Variants in GLUD2 observed in about 807,000 individuals in gnomAD.
GLUD2 encodes glutamate dehydrogenase 2.
A neutral mutation model predicts 16.2 loss-of-function variants in GLUD2; 11 were observed. That is an observed-to-expected ratio of 0.68 (90% CI 0.43 to 1.13). The LOEUF is 1.13. Among genes scored for constraint, GLUD2 ranks in the 50% most tolerant of loss-of-function variants. GLUD2 has a pLI of 0.00. For missense variants in GLUD2, 360 were observed against 456.4 expected (o/e 0.79, Z 1.93); for synonymous variants, 147 against 181.9 (o/e 0.81, Z 1.55).
chrX:121,048,913 C>A lies in GLUD2; in HGVS notation c.1229C>A (p.Thr410Asn). 1.7e-6 allele frequency: 2 copies of A among 1,211,816 alleles called. No homozygotes were observed. The highest frequency in any genetic ancestry group is 1.7e-5 in the African/African-American group (1 of 57,817). The change falls in exon 1 of 1, where the codon ACT becomes AAT. Residue 410 changes from threonine to asparagine, a missense_variant. By Grantham distance (65) the Thr-to-Asn change is moderately conservative. Coordinates refer to ENST00000328078, the MANE Select transcript of GLUD2 (RefSeq NM_012084.4). ...GCTGAAGGTGCCAATGGGCCAACAACTCCAGAAGCTGATAAGATCTTCCTG... is the reference window on the plus strand; with the variant it reads ...GCTGAAGGTGCCAATGGGCCAACAAATCCAGAAGCTGATAAGATCTTCCTG... ...IIAEGANGPT[T>N]PEADKIFLER...
chrX:121,049,185 T>C lies in GLUD2; in HGVS notation c.1501T>C (p.Ser501Pro). ...AEFQDSISGASEKDIVHSALA... is the reference protein window; with the variant it reads ...AEFQDSISGAPEKDIVHSALA... ...GTTCCAAGACAGTATATCGGGTGCA[T>C]CTGAGAAAGACATTGTGCACTCTGC... The change falls in exon 1 of 1, where the codon TCT becomes CCT. Residue 501 changes from serine (S) to proline (P), a missense_variant. Coordinates refer to ENST00000328078, the MANE Select transcript of GLUD2 (RefSeq NM_012084.4). The C allele has an allele frequency of 8.3e-7, 1 of 1,211,926 alleles. No homozygotes were observed. Among genetic ancestry groups the C allele is most frequent in the South Asian group, 1.8e-5 (1 of 56,995 alleles).
Position 121,049,412 on chromosome X carries a change from G to T in GLUD2, c.*51G>T. The T allele has an allele frequency of 9.4e-7, 1 of 1,060,110 alleles. No homozygotes were observed. Among genetic ancestry groups the T allele is most frequent in the South Asian group, 1.9e-5 (1 of 53,585 alleles). The allele number at this position is 1,060,110 out of a possible 1,213,427, so 87.4% of individuals were successfully genotyped here. ...AACCTCTTCACGTGTAACTTCTGCA[G>T]ACCTACCACAAGTTTACATGTAACC... is the stretch of plus-strand genomic sequence containing the variant. On this transcript the variant is annotated 3_prime_UTR_variant, in exon 1 of 1. Coordinates refer to ENST00000328078, the MANE Select transcript of GLUD2 (RefSeq NM_012084.4).
chrX:121,048,494 T>A lies in GLUD2; in HGVS notation c.810T>A (p.Ser270=). The part of the protein sequence containing the change: ...ISQGGIHGRI[S]ATGRGVFHGI... The stretch of plus-strand genomic sequence containing the variant: ...AAGGGGGAATCCATGGACGCATCTC[T>A]GCTACTGGCCGTGGTGTCTTCCATG... Residue 270 remains serine (S), a synonymous_variant, in exon 1 of 1, where the codon TCT becomes TCA. Coordinates refer to ENST00000328078, the MANE Select transcript of GLUD2 (RefSeq NM_012084.4). 8.3e-7 allele frequency: 1 copy of A among 1,211,921 alleles called. No homozygotes were observed. The highest frequency in any genetic ancestry group is 1.8e-5 in the South Asian group (1 of 56,993).
chrX:121,048,808 A>G lies in GLUD2; in HGVS notation c.1124A>G (p.Asp375Gly), dbSNP rs1343697412. 8.3e-7 allele frequency: 1 copy of G among 1,211,632 alleles called. No homozygotes were observed. The highest frequency in any genetic ancestry group is 1.1e-6 in the Non-Finnish European group (1 of 895,534). ...KPYEGSILEV[D>G]CDILIPAATE... Reference sequence around the variant, plus strand: ...TATGAAGGAAGCATCTTGGAGGTCGACTGTGACATACTGATCCCAGCTGCC... The same window carrying G: ...TATGAAGGAAGCATCTTGGAGGTCGGCTGTGACATACTGATCCCAGCTGCC... The change falls in exon 1 of 1, where the codon GAC becomes GGC. Residue 375 changes from aspartate to glycine, a missense_variant. Physicochemically the swap from Asp to Gly is moderately conservative, Grantham distance 94 (BLOSUM62 -1). Transcript: ENST00000328078.
At position 121,050,053 on chromosome X, in the gene GLUD2, C is replaced by T. The variant is rs1925472207; in HGVS notation, c.*692C>T. The T allele has an allele frequency of 8.1e-6, 1 of 123,025 alleles. No homozygotes were observed. Among genetic ancestry groups the T allele is most frequent in the Non-Finnish European group, 1.9e-5 (1 of 53,376 alleles). The allele number at this position is 123,025 out of a possible 1,213,427, so 10.1% of individuals were successfully genotyped here. Reference sequence around the variant, plus strand: ...AGCTTATCATTCACGTATTGTTGTCCAGCAAACATTAAAAGCCCTGTGGAT... The same window carrying T: ...AGCTTATCATTCACGTATTGTTGTCTAGCAAACATTAAAAGCCCTGTGGAT... On this transcript the variant is annotated 3_prime_UTR_variant, in exon 1 of 1. Transcript: ENST00000328078.
rs750535591 is a variant in GLUD2 at position 121,047,727 on chromosome X, G to A, written c.43G>A (p.Gly15Arg). 7 of 1,103,061 alleles carry A rather than the reference G, an allele frequency of 6.3e-6. No individual in the cohort carries two copies. Among genetic ancestry groups the A allele is most frequent in the Non-Finnish European group, 8.3e-6 (7 of 840,585 alleles). The allele number at this position is 1,103,061 out of a possible 1,213,427, so 90.9% of individuals were successfully genotyped here. ...CAAAGCGCTGCTGCCGTCCCGGGCC[G>A]GGCCCGCTGCCCTGGGCTCCGCGGC... is the stretch of plus-strand genomic sequence containing the variant. ...LAKALLPSRA[G>R]PAALGSAANH... is the part of the protein sequence containing the mutation. Residue 15 changes from glycine (G) to arginine (R), a missense_variant, in exon 1 of 1, where the codon GGG (glycine) becomes AGG (arginine). Around this residue, in one of 3 missense-constraint regions of GLUD2, gnomAD observed 58 missense variants for 49.9 expected, o/e 1.16. Coordinates refer to ENST00000328078, the MANE Select transcript of GLUD2 (RefSeq NM_012084.4).
At position 121,048,421 on chromosome X, in the gene GLUD2, A is replaced by C; in HGVS notation, c.737A>C (p.His246Pro). 8.3e-7 allele frequency: 1 copy of C among 1,211,294 alleles called. No individual in the cohort carries two copies. The highest frequency in any genetic ancestry group is 1.1e-6 in the Non-Finnish European group (1 of 895,205). The change falls in exon 1 of 1, where the codon CAC becomes CCC. Residue 246 changes from histidine to proline, a missense_variant. His to Pro is a moderately conservative substitution (Grantham distance 77). Transcript: ENST00000328078. ...GATACCTATGCCAGCACCATAGGGCACTATGATATTAATGCACACGCCTGT... is the reference window on the plus strand; with the variant it reads ...GATACCTATGCCAGCACCATAGGGCCCTATGATATTAATGCACACGCCTGT... ...IADTYASTIGHYDINAHACVT... is the reference protein window; with the variant it reads ...IADTYASTIGPYDINAHACVT...
At position 121,048,900 on chromosome X, in the gene GLUD2, A is replaced by G; in HGVS notation, c.1216A>G (p.Asn406Asp). Residue 406 changes from asparagine to aspartate, a missense_variant, in exon 1 of 1, where the codon AAT becomes GAT. Physicochemically the swap from Asn to Asp is conservative, Grantham distance 23 (BLOSUM62 1). This residue lies in a region of GLUD2 where 279 missense variants were observed against 352.9 expected (regional missense o/e 0.79). Coordinates refer to ENST00000328078, the MANE Select transcript of GLUD2 (RefSeq NM_012084.4). ...AGCCAAGATCATTGCTGAAGGTGCCAATGGGCCAACAACTCCAGAAGCTGA... is the reference window on the plus strand; with the variant it reads ...AGCCAAGATCATTGCTGAAGGTGCCGATGGGCCAACAACTCCAGAAGCTGA... The part of the protein sequence containing the change: ...VKAKIIAEGA[N>D]GPTTPEADKI... 8.3e-7 allele frequency: 1 copy of G among 1,211,933 alleles called. No homozygotes were observed. The highest frequency in any genetic ancestry group is 1.7e-5 in the African/African-American group (1 of 57,875).
Position 121,048,193 on chromosome X carries a change from A to T in GLUD2, c.509A>T (p.Tyr170Phe). ...AAAGCTTTGGCTTCTCTGATGACAT[A>T]CAAGTGTGCAGTGGTTGATGTGCCG... The part of the protein sequence containing the change: ...EVKALASLMT[Y>F]KCAVVDVPFG... The change falls in exon 1 of 1, where the codon TAC (tyrosine) becomes TTC (phenylalanine). Residue 170 changes from tyrosine (Y) to phenylalanine (F), a missense_variant. Physicochemically the swap from Tyr to Phe is conservative, Grantham distance 22. Coordinates refer to ENST00000328078, the MANE Select transcript of GLUD2 (RefSeq NM_012084.4). 8.3e-7 allele frequency: 1 copy of T among 1,212,008 alleles called. No homozygotes were observed. Among genetic ancestry groups the T allele is most frequent in the Non-Finnish European group, 1.1e-6 (1 of 895,582 alleles).
rs762544743 is a variant in GLUD2 at position 121,048,862 on chromosome X, C to T, written c.1178C>T (p.Ala393Val). The T allele has an allele frequency of 1.1e-4, 139 of 1,209,872 alleles. No homozygotes were observed. The highest frequency in any genetic ancestry group is 1.5e-4 in the Non-Finnish European group (131 of 895,195). The change falls in exon 1 of 1, where the codon GCA (alanine) becomes GTA (valine). Residue 393 changes from alanine to valine, a missense_variant. Transcript: ENST00000328078. ...GAGAAGCAGTTGACCAAATCCAACG[C>T]ACCCAGAGTCAAAGCCAAGATCATT... ...ATEKQLTKSN[A>V]PRVKAKIIAE...
In GLUD2 at chrX:121,047,662, G is replaced by A; in HGVS notation, c.-23G>A. 2 of 1,005,734 alleles carry A rather than the reference G, an allele frequency of 2.0e-6. No individual in the cohort carries two copies. The highest frequency in any genetic ancestry group is 3.6e-5 in the Admixed American group (1 of 27,770). The allele number at this position is 1,005,734 out of a possible 1,213,427, so 82.9% of individuals were successfully genotyped here. On this transcript the variant is annotated 5_prime_UTR_variant, in exon 1 of 1. Transcript: ENST00000328078. Reference sequence around the variant, plus strand: ...AGCGCACCTGTTCCGCGACCGTCACGCACCCCTCCTCCGCCTGCCGCGATG... The same window carrying A: ...AGCGCACCTGTTCCGCGACCGTCACACACCCCTCCTCCGCCTGCCGCGATG...
Position 121,049,358 on chromosome X carries a change from A to C in GLUD2, c.1674A>C (p.Thr558=). The stretch of plus-strand genomic sequence containing the variant: ...ACAGTGAAGCTGGTGTGACCTTCAC[A>C]TAGATGGATCATGGCTGACTTCCTC... ...KVYSEAGVTF[T] Residue 558 remains threonine (T), a synonymous_variant, in exon 1 of 1, where the codon ACA becomes ACC. Transcript: ENST00000328078. The C allele has an allele frequency of 8.3e-7, 1 of 1,202,372 alleles. No individual in the cohort carries two copies. Among genetic ancestry groups the C allele is most frequent in the East Asian group, 3.0e-5 (1 of 33,832 alleles).
chrX:121,048,586 A>T lies in GLUD2; in HGVS notation c.902A>T (p.Asp301Val). 8.3e-7 allele frequency: 1 copy of T among 1,212,080 alleles called. No individual in the cohort carries two copies. The highest frequency in any genetic ancestry group is 3.0e-5 in the East Asian group (1 of 33,862). Residue 301 changes from aspartate to valine, a missense_variant, in exon 1 of 1, where the codon GAT (aspartate) becomes GTT (valine). Around this residue, in one of 3 missense-constraint regions of GLUD2, gnomAD observed 279 missense variants for 352.9 expected, o/e 0.79. Coordinates refer to ENST00000328078, the MANE Select transcript of GLUD2 (RefSeq NM_012084.4). ...SILGMTPGFR[D>V]KTFVVQGFGN... is the part of the protein sequence containing the mutation. ...TTAGGAATGACACCAGGGTTTAGAG[A>T]TAAAACATTTGTTGTTCAGGGATTT...
At position 121,047,822 on chromosome X, in the gene GLUD2, A is replaced by T. The variant is rs1189987692; in HGVS notation, c.138A>T (p.Ala46=). 1.7e-6 allele frequency: 2 copies of T among 1,207,183 alleles called. No individual in the cohort carries two copies. Among genetic ancestry groups the T allele is most frequent in the African/African-American group, 3.5e-5 (2 of 57,177 alleles). The change falls in exon 1 of 1, where the codon GCA becomes GCT. Residue 46 remains alanine (A), a synonymous_variant. Coordinates refer to ENST00000328078, the MANE Select transcript of GLUD2 (RefSeq NM_012084.4). ...CCGCCGCCTCGCAGCCGGGGCTCGCATTGGCCGCCCGGCGCCACTACAGCG... is the reference window on the plus strand; with the variant it reads ...CCGCCGCCTCGCAGCCGGGGCTCGCTTTGGCCGCCCGGCGCCACTACAGCG... ...QPAAASQPGL[A]LAARRHYSEL...
rs773281447 is a variant in GLUD2 at position 121,048,375 on chromosome X, C to A, written c.691C>A (p.Arg231=). Residue 231 remains arginine, a synonymous_variant, in exon 1 of 1, where the codon CGG becomes AGG. Transcript: ENST00000328078. ...VPAPDMNTGE[R]EMSWIADTYA... ...TGCTCCAGACATGAACACAGGTGAG[C>A]GGGAGATGTCCTGGATTGCTGATAC... The A allele has an allele frequency of 6.6e-6, 8 of 1,211,307 alleles. No homozygotes were observed. The South Asian group carries it at 1.1e-4, about 16-fold the overall frequency.
At position 121,049,016 on chromosome X, in the gene GLUD2, G is replaced by A; in HGVS notation, c.1332G>A (p.Lys444=). The change falls in exon 1 of 1, where the codon AAG becomes AAA. Residue 444 remains lysine, a synonymous_variant. Coordinates refer to ENST00000328078, the MANE Select transcript of GLUD2 (RefSeq NM_012084.4). ...GVTVSYFEWL[K]NLNHVSYGRL... The stretch of plus-strand genomic sequence containing the variant: ...CAGTATCTTACTTTGAGTGGCTGAA[G>A]AATCTAAATCATGTCAGCTATGGCC... 8.3e-7 allele frequency: 1 copy of A among 1,211,603 alleles called. No individual in the cohort carries two copies. The highest frequency in any genetic ancestry group is 1.1e-6 in the Non-Finnish European group (1 of 895,175).
Position 121,048,648 on chromosome X carries a change from C to A in GLUD2, c.964C>A (p.Arg322Ser). 8.3e-7 allele frequency: 1 copy of A among 1,210,651 alleles called. No homozygotes were observed. The highest frequency in any genetic ancestry group is 1.1e-6 in the Non-Finnish European group (1 of 894,533). ...VGLHSMRYLH[R>S]FGAKCIAVGE... ...CCTACACTCTATGAGATATTTACAT[C>A]GTTTTGGTGCTAAATGTATTGCTGT... is the stretch of plus-strand genomic sequence containing the variant. The change falls in exon 1 of 1, where the codon CGT (arginine) becomes AGT (serine). Residue 322 changes from arginine to serine, a missense_variant. Physicochemically the swap from Arg to Ser is moderately radical, Grantham distance 110. This residue lies in a region of GLUD2 where 279 missense variants were observed against 352.9 expected (regional missense o/e 0.79). Transcript: ENST00000328078.
chrX:121,047,719 C>T lies in GLUD2; in HGVS notation c.35C>T (p.Ser12Phe). 9.1e-7 allele frequency: 1 copy of T among 1,104,646 alleles called. No homozygotes were observed. Among genetic ancestry groups the T allele is most frequent in the Non-Finnish European group, 1.2e-6 (1 of 840,311 alleles). The allele number at this position is 1,104,646 out of a possible 1,213,427, so 91.0% of individuals were successfully genotyped here. The change falls in exon 1 of 1, where the codon TCC becomes TTC. Residue 12 changes from serine to phenylalanine, a missense_variant. Coordinates refer to ENST00000328078, the MANE Select transcript of GLUD2 (RefSeq NM_012084.4). The part of the protein sequence containing the change: ...YRYLAKALLP[S>F]RAGPAALGSA... ...TACCTGGCCAAAGCGCTGCTGCCGTCCCGGGCCGGGCCCGCTGCCCTGGGC... is the reference window on the plus strand; with the variant it reads ...TACCTGGCCAAAGCGCTGCTGCCGTTCCGGGCCGGGCCCGCTGCCCTGGGC...
Position 121,047,742 on chromosome X carries a change from G to A in GLUD2, c.58G>A (p.Gly20Ser). 1.8e-6 allele frequency: 2 copies of A among 1,130,890 alleles called. No individual in the cohort carries two copies. Among genetic ancestry groups the A allele is most frequent in the Non-Finnish European group, 2.3e-6 (2 of 859,523 alleles). The allele number at this position is 1,130,890 out of a possible 1,213,427, so 93.2% of individuals were successfully genotyped here. A position where few individuals can be genotyped will look rare whatever the true frequency, so the allele number is the denominator to read the frequency against. The change falls in exon 1 of 1, where the codon GGC becomes AGC. Residue 20 changes from glycine (G) to serine (S), a missense_variant. By Grantham distance (56) the Gly-to-Ser change is moderately conservative. Around this residue, in one of 3 missense-constraint regions of GLUD2, gnomAD observed 58 missense variants for 49.9 expected, o/e 1.16. Transcript: ENST00000328078. Reference sequence around the variant, plus strand: ...GTCCCGGGCCGGGCCCGCTGCCCTGGGCTCCGCGGCCAACCACTCGGCCGC... The same window carrying A: ...GTCCCGGGCCGGGCCCGCTGCCCTGAGCTCCGCGGCCAACCACTCGGCCGC... ...LPSRAGPAAL[G>S]SAANHSAALL...
Sources: allele counts gnomAD v4.1 joint callset, GRCh38; gene constraint gnomAD v4.1.1; regional missense constraint gnomAD v4.1.1; transcripts MANE v1.5; gene names NCBI Gene and HGNC (gene_info 2026-07-23, HGNC 2026-07-21).